The following DLGAP1 variants were observed in gnomAD, a reference collection of about 807,000 sequenced individuals.
The protein encoded by DLGAP1 is disks large-associated protein 1.
Under a neutral mutation model 90.8 loss-of-function variants are expected in DLGAP1, and 11 were observed. The observed-to-expected ratio is 0.12, with a 90% CI of 0.08 to 0.20. The LOEUF (loss-of-function observed/expected upper bound fraction) is 0.20. Among genes scored for constraint, DLGAP1 ranks in the 10% least tolerant of loss-of-function variants. The pLI is 1.00. For missense variants in DLGAP1, 1,050 were observed against 1,333.8 expected, an observed-to-expected ratio of 0.79 and a Z score of 3.31; for synonymous variants, 558 against 540.7, an observed-to-expected ratio of 1.03 and a Z score of -0.44.
At chr18:3,742,949 T>TCTATCTTCCTTCCTTCCTTCCTTC (rs144171196) in intron 5 of DLGAP1, among the ~76,000 whole-genome samples, 43 of 142,760 alleles carry the variant, frequency 3.0e-4, no homozygotes, top group African/African-American at 1.1e-3. Context: ...TATCAATTTA[T>TCTATCTTCCTTCCTTCCTTCCTTC]CTTCCTTCCT....
intron 1 of DLGAP1, among the ~76,000 whole-genome samples, chr18:4,299,900 C>T (rs892829753): frequency 6.6e-6 from 1 of 152,066 alleles, no homozygotes; most frequent in Non-Finnish European, 1.5e-5. Flanking sequence ...AGAATCAAAT[C>T]AATTGGAAAA....
chr18:4,052,479 C>T (rs183686654), intron 2 of DLGAP1, among the ~76,000 whole-genome samples: 9 of 152,230 alleles, frequency 5.9e-5, no homozygotes, highest in African/African-American at 2.2e-4. Flanking sequence ...GCTGGAGTGG[C>T]TGGGACACAG....
chr18:4,247,325 C>G (rs1169283997), intron 1 of DLGAP1, among the ~76,000 whole-genome samples: 3 of 152,244 alleles, frequency 2.0e-5, no homozygotes, highest in Non-Finnish European at 4.4e-5. Context: ...GAAGTTGAAG[C>G]ATACAAGGTT....
chr18:4,231,756 C>T (rs1396242885), intron 1 of DLGAP1, among the ~76,000 whole-genome samples: 3 of 152,050 alleles, frequency 2.0e-5, no homozygotes, highest in East Asian at 3.9e-4. Flanking sequence ...CTCTTTCCTT[C>T]CAGGACAATG....
chr18:3,999,027 A>G (rs1029646374), intron 3 of DLGAP1, among the ~76,000 whole-genome samples: 1 of 152,136 alleles, frequency 6.6e-6, no homozygotes, highest in Non-Finnish European at 1.5e-5. Context: ...AATAATGCAA[A>G]GTTTTACATG....
chr18:3,615,541 T>C (rs1030259799), intron 7 of DLGAP1, among the ~76,000 whole-genome samples: 1 of 151,982 alleles, frequency 6.6e-6, no homozygotes, highest in African/African-American at 2.4e-5. Flanking sequence ...CCAAGGGAGA[T>C]GTTGACAGCA....
At chr18:3,728,727 C>T (rs761206339) in intron 7 of DLGAP1, among the ~76,000 whole-genome samples, 1 of 152,162 alleles carries the variant, frequency 6.6e-6, no homozygotes, top group Non-Finnish European at 1.5e-5. Context: ...ATAAAACAGT[C>T]ATTTCAATTC....
At chr18:3,885,468 A>G (rs1599105990) in intron 3 of DLGAP1, 1 of 152,264 alleles carries the variant, frequency 6.6e-6, no homozygotes, top group Admixed American at 6.5e-5. Context: ...AAAAAACATG[A>G]AAAGAGATAA....
chr18:4,371,070 C>A (rs2081905686), intron 1 of DLGAP1, among the ~76,000 whole-genome samples: 1 of 152,188 alleles, frequency 6.6e-6, no homozygotes, highest in South Asian at 2.1e-4. Context: ...ATAGAGGTAG[C>A]ATGACCAGTA....
chr18:3,987,558 G>T (rs2073868078), intron 3 of DLGAP1, among the ~76,000 whole-genome samples: 1 of 152,088 alleles, frequency 6.6e-6, no homozygotes, highest in Non-Finnish European at 1.5e-5. Flanking sequence ...TTCACCCACA[G>T]AACTATGCCT....
intron 3 of DLGAP1, among the ~76,000 whole-genome samples, chr18:3,889,056 G>A (rs909355053): frequency 6.6e-6 from 1 of 152,040 alleles, no homozygotes; most frequent in East Asian, 1.9e-4. Flanking sequence ...TCTTATGCGG[G>A]TACAATTGAT....
intron 7 of DLGAP1, 144 bp downstream of exon 7, chr18:3,728,991 G>A: frequency 7.8e-7 from 1 of 1,283,344 alleles, no homozygotes; most frequent in Non-Finnish European, 1.0e-6. Flanking sequence ...AGGCAGATAG[G>A]GAAGGAAAAC....
rs757087090 is a variant in DLGAP1 at position 3,729,274 on chromosome 18, G to A, written c.1452C>T (p.Pro484=). Residue 484 remains proline, a synonymous_variant, in exon 7 of 13, where the codon CCC becomes CCT. Coordinates refer to ENST00000315677, the MANE Select transcript of DLGAP1 (RefSeq NM_004746.4). This position sits in a 1 kb window ranked among gnomAD's most constrained non-coding sequence, Gnocchi z 6.2. ...QAVEALDLPM[P]GCFRMRSHSY... ...TGTGGCTCCGCATGCGGAAGCAGCCGGGCATGGGCAGGTCCAGCGCTTCCA... is the reference window on the plus strand; with the variant it reads ...TGTGGCTCCGCATGCGGAAGCAGCCAGGCATGGGCAGGTCCAGCGCTTCCA... 6 of 1,613,970 alleles carry A rather than the reference G, an allele frequency of 3.7e-6. No homozygotes were observed. Among genetic ancestry groups the A allele is most frequent in the African/African-American group, 1.3e-5 (1 of 74,934 alleles).
chr18:4,101,521 G>C (rs73943813), intron 2 of DLGAP1, among the ~76,000 whole-genome samples: 3,030 of 152,164 alleles, frequency 0.02, 80 homozygotes, highest in African/African-American at 0.058. Context: ...CACAAAGTAG[G>C]CACATGCTAT....
intron 2 of DLGAP1, among the ~76,000 whole-genome samples, chr18:4,080,310 G>A (rs185393969): frequency 3.9e-5 from 6 of 152,234 alleles, no homozygotes; most frequent in East Asian, 3.9e-4. Flanking sequence ...TAATGATAAC[G>A]CTATCATTTT....
intron 1 of DLGAP1, among the ~76,000 whole-genome samples, chr18:4,197,188 T>TA (rs532844849): frequency 0.17 from 12,492 of 74,036 alleles, 725 homozygotes; most frequent in Middle Eastern, 0.25. Flanking sequence ...TAAAAAAAAG[T>TA]AAAAAAAAAA....
At chr18:4,076,408 G>A (rs1258689574) in intron 2 of DLGAP1, among the ~76,000 whole-genome samples, 1 of 152,038 alleles carries the variant, frequency 6.6e-6, no homozygotes, top group Non-Finnish European at 1.5e-5. Flanking sequence ...ATATTGATAA[G>A]CAAAGTAGAG....
rs1598487373 is a variant in DLGAP1 at position 3,729,902 on chromosome 18, T to C, written c.1351-527A>G. Among the ~76,000 whole-genome samples, 1 of 152,350 alleles carries C rather than the reference T, an allele frequency of 6.6e-6. No homozygotes were observed. The highest frequency in any genetic ancestry group is 1.9e-4 in the East Asian group (1 of 5,188). On this transcript the variant is annotated intron_variant, in intron 6 of 12. Transcript: ENST00000315677. This position sits in a 1 kb window ranked among gnomAD's most constrained non-coding sequence, Gnocchi z 6.2. ...TAGAAACGAGTATTTTTACAGTGCC[T>C]TTTGAAGTGACTAGTTTGTCAAATA...
At chr18:4,233,837 T>C (rs555797229) in intron 1 of DLGAP1, among the ~76,000 whole-genome samples, 1 of 152,342 alleles carries the variant, frequency 6.6e-6, no homozygotes, top group South Asian at 2.1e-4. Context: ...TTCAACTTTA[T>C]TTTGATTATT....
Sources: allele counts gnomAD v4.1 joint callset (sites outside exome capture counted in the v4.1 genomes callset), GRCh38; gene constraint gnomAD v4.1.1; non-coding constraint Gnocchi (gnomAD v3.1); transcripts MANE v1.5; gene names NCBI Gene and HGNC (gene_info 2026-07-23, HGNC 2026-07-21).